SMAD3: variants seen among roughly 807,000 people sequenced by gnomAD.
SMAD3 encodes the protein SMAD family member 3.
A neutral mutation model predicts 51.8 loss-of-function variants in SMAD3; 12 were observed. The ratio of observed to expected loss-of-function variants is 0.23; its 90% CI spans 0.15 to 0.38. SMAD3 has a LOEUF of 0.38. Among genes scored for constraint, SMAD3 ranks in the 10% least tolerant of loss-of-function variants. The pLI is 1.00. For missense variants in SMAD3, 294 were observed against 565.6 expected, an observed-to-expected ratio of 0.52 and a Z score of 4.87; for synonymous variants, 238 against 227.7, an observed-to-expected ratio of 1.05 and a Z score of -0.41.
chr15:67,076,110 GGA>G (rs1960162657), intron 1 of SMAD3, among the ~76,000 whole-genome samples: 1 of 152,060 alleles, frequency 6.6e-6, no homozygotes, highest in Non-Finnish European at 1.5e-5. Context: ...ATTCTCCTTT[GGA>G]GAGTCTCAGT....
At chr15:67,089,895 G>A (rs1374512258) in intron 1 of SMAD3, among the ~76,000 whole-genome samples, 1 of 152,238 alleles carries the variant, frequency 6.6e-6, no homozygotes, top group Admixed American at 6.5e-5. Flanking sequence ...ACCACTGCAT[G>A]TTGGGGGTGG....
chr15:67,148,198 A>G (rs779699054), intron 1 of SMAD3, among the ~76,000 whole-genome samples: 2 of 152,224 alleles, frequency 1.3e-5, no homozygotes, highest in Non-Finnish European at 2.9e-5. Flanking sequence ...AGGTACTAGA[A>G]GGTGAGAAGA....
chr15:67,091,345 A>C (rs779587308), intron 1 of SMAD3, among the ~76,000 whole-genome samples: 5 of 152,226 alleles, frequency 3.3e-5, no homozygotes, highest in Non-Finnish European at 4.4e-5. Context: ...CAAATGGCTG[A>C]AGGCGGTTTG....
At chr15:67,140,582 G>A (rs529998000) in intron 1 of SMAD3, among the ~76,000 whole-genome samples, 2 of 152,306 alleles carry the variant, frequency 1.3e-5, no homozygotes, top group South Asian at 2.1e-4. Flanking sequence ...TCTAGAGCCG[G>A]CAGAGACTCA....
rs147761102 is a variant in SMAD3, at chr15:67,192,614, G to C, written c.*2078G>C. The C allele has an allele frequency of 4.3e-6, 1 of 233,126 alleles. No individual in the cohort carries two copies. The highest frequency in any genetic ancestry group is 8.5e-6 in the Non-Finnish European group (1 of 117,972). The allele number at this position is 233,126 out of a possible 1,614,324, so 14.4% of individuals were successfully genotyped here. On this transcript the variant is annotated 3_prime_UTR_variant, in exon 9 of 9. Coordinates refer to ENST00000327367, the MANE Select transcript of SMAD3 (RefSeq NM_005902.4). Reference sequence around the variant, plus strand: ...CTAAAAGCCATGGGCAGCAGTTTCCGAGGGCCTGCATGATCCACCTGCTGC... The same window carrying C: ...CTAAAAGCCATGGGCAGCAGTTTCCCAGGGCCTGCATGATCCACCTGCTGC...
chr15:67,190,863 C>T lies in SMAD3; in HGVS notation c.*327C>T, dbSNP rs1423345231. On this transcript the variant is annotated 3_prime_UTR_variant, in exon 9 of 9. Coordinates refer to ENST00000327367, the MANE Select transcript of SMAD3 (RefSeq NM_005902.4). The stretch of plus-strand genomic sequence containing the variant: ...CCCAGACTCTTTTTTTGAGTGACAG[C>T]TTTCTGGGATGTCACAGTCCAACCA... 9.3e-6 allele frequency: 4 copies of T among 429,064 alleles called. No homozygotes were observed. The highest frequency in any genetic ancestry group is 1.7e-5 in the Non-Finnish European group (4 of 231,630). The allele number at this position is 429,064 out of a possible 1,614,324, so 26.6% of individuals were successfully genotyped here.
At chr15:67,105,998 T>A (rs1960868933) in intron 1 of SMAD3, among the ~76,000 whole-genome samples, 1 of 152,062 alleles carries the variant, frequency 6.6e-6, no homozygotes. Context: ...TTTAGCCTCT[T>A]CTCCTTCTCC....
At chr15:67,160,633 C>T (rs760757433) in intron 1 of SMAD3, among the ~76,000 whole-genome samples, 12 of 151,804 alleles carry the variant, frequency 7.9e-5, no homozygotes, top group Middle Eastern at 3.2e-3. Flanking sequence ...TAGCCGGGCG[C>T]GGTGCCAGGC....
At chr15:67,148,118 A>T (rs555906515) in intron 1 of SMAD3, among the ~76,000 whole-genome samples, 2 of 152,242 alleles carry the variant, frequency 1.3e-5, no homozygotes, top group Non-Finnish European at 2.9e-5. Flanking sequence ...TGAGAAGTGT[A>T]GACACAGAAC....
At chr15:67,071,283 G>A (rs1721497169) in intron 1 of SMAD3, among the ~76,000 whole-genome samples, 1 of 152,230 alleles carries the variant, frequency 6.6e-6, no homozygotes, top group South Asian at 2.1e-4. Flanking sequence ...TTCCCTATAA[G>A]AATGAGGACG....
At chr15:67,137,994 C>T in intron 1 of SMAD3, 1 of 1,504,940 alleles carries the variant, frequency 6.6e-7, no homozygotes, top group Non-Finnish European at 9.1e-7. Flanking sequence ...GAATCCCTCC[C>T]TCCCGTCCCT....
intron 1 of SMAD3, chr15:67,138,534 TC>T (rs1961731410): frequency 6.5e-6 from 1 of 154,920 alleles, no homozygotes; most frequent in South Asian, 2.0e-4. Context: ...TAAGTAAACA[TC>T]CATCTCCCCT....
At chr15:67,168,038 C>G (rs1413360150) in intron 4 of SMAD3, among the ~76,000 whole-genome samples, 1 of 152,234 alleles carries the variant, frequency 6.6e-6, no homozygotes, top group Non-Finnish European at 1.5e-5. Flanking sequence ...ACTGCAACCT[C>G]TGCCTCCTGG....
chr15:67,070,206 G>A (rs1348388498), intron 1 of SMAD3, among the ~76,000 whole-genome samples: 3 of 152,278 alleles, frequency 2.0e-5, no homozygotes, highest in Middle Eastern at 3.4e-3. Context: ...CCCATTGGAA[G>A]CAAGCCCCCT....
At chr15:67,098,980 C>A (rs1439082602) in intron 1 of SMAD3, 1 of 702,338 alleles carries the variant, frequency 1.4e-6, no homozygotes, top group Admixed American at 2.0e-5. Flanking sequence ...GGACTTTTGC[C>A]CCAAACTGTG....
rs1959905362 is a variant in SMAD3 at position 67,066,028 on chromosome 15, C to G, written c.-127C>G. 6.9e-6 allele frequency: 3 copies of G among 435,858 alleles called. No homozygotes were observed. Among genetic ancestry groups the G allele is most frequent in the South Asian group, 1.7e-4 (2 of 11,588 alleles). 27.0% of individuals were successfully genotyped at this position (435,858 alleles called of 1,614,324 possible). A position where few individuals can be genotyped will look rare whatever the true frequency, so the allele number is the denominator to read the frequency against. On this transcript the variant is annotated 5_prime_UTR_variant, in exon 1 of 9. Transcript: ENST00000327367. ...CGGCCCGGCGCCCCGGCAACTTCGC[C>G]GAGAGTTGAGGCGAAGTTTGGGCGA...
At chr15:67,066,671 C>G (rs1160691216) in intron 1 of SMAD3, among the ~76,000 whole-genome samples, 1 of 152,196 alleles carries the variant, frequency 6.6e-6, no homozygotes, top group Non-Finnish European at 1.5e-5. Flanking sequence ...CGCCCCCACT[C>G]CGGGGAGCTG....
At chr15:67,112,093 T>G (rs1276117284) in intron 1 of SMAD3, among the ~76,000 whole-genome samples, 1 of 152,008 alleles carries the variant, frequency 6.6e-6, no homozygotes, top group Non-Finnish European at 1.5e-5. Flanking sequence ...GGCCTTCCAT[T>G]TGTATATCTT....
At chr15:67,181,842 A>G (rs1212758177) in intron 6 of SMAD3, among the ~76,000 whole-genome samples, 2 of 150,502 alleles carry the variant, frequency 1.3e-5, no homozygotes, top group African/African-American at 4.9e-5. Flanking sequence ...CTGGAGTGCA[A>G]TGGCACAATC....
Sources: gnomAD v4.1 joint callset for allele counts (sites outside exome capture counted in the v4.1 genomes callset) on GRCh38, gnomAD v4.1.1 for gene constraint, MANE v1.5 for transcripts, NCBI Gene and HGNC (gene_info 2026-07-23, HGNC 2026-07-21) for gene names.